EPHA5: variants seen among roughly 807,000 people sequenced by gnomAD.
EPHA5 encodes EPH receptor A5.
EPHA5 carries 60 observed loss-of-function variants against 105.0 expected under a neutral mutation model. The observed-to-expected ratio is 0.57, with a 90% confidence interval of 0.46 to 0.71. The LOEUF is 0.71. Ranked by LOEUF, EPHA5 falls within the 30% of genes least tolerant of loss-of-function variation. The pLI is 0.00. For synonymous variants in EPHA5, 513 were observed against 449.1 expected, an observed-to-expected ratio of 1.14 and a Z score of -1.80; for missense variants, 1,218 against 1,274.7, an observed-to-expected ratio of 0.96 and a Z score of 0.68.
intron 3 of EPHA5, among the ~76,000 whole-genome samples, chr4:65,567,659 T>A (rs1739693008): frequency 6.6e-6 from 1 of 151,578 alleles, no homozygotes; most frequent in South Asian, 2.1e-4. Context: ...AGTGCATATA[T>A]CTAAAAGCAT....
chr4:65,442,050 T>C (rs566833962), intron 5 of EPHA5, among the ~76,000 whole-genome samples: 2 of 152,246 alleles, frequency 1.3e-5, no homozygotes, highest in South Asian at 4.1e-4. Context: ...AAACAGGCTA[T>C]GTATAATTTT....
intron 16 of EPHA5, among the ~76,000 whole-genome samples, chr4:65,328,087 ATAAG>A: frequency 6.6e-6 from 1 of 151,340 alleles, no homozygotes; most frequent in South Asian, 2.1e-4. Context: ...TGTTCCCATT[ATAAG>A]TATGACACAA....
At chr4:65,522,768 G>A in intron 3 of EPHA5, among the ~76,000 whole-genome samples, 1 of 151,948 alleles carries the variant, frequency 6.6e-6, no homozygotes, top group Non-Finnish European at 1.5e-5. Context: ...ATTCATTTGT[G>A]ATCTGTCCTT....
intron 15 of EPHA5, among the ~76,000 whole-genome samples, chr4:65,332,442 A>T (rs1267384802): frequency 6.6e-6 from 1 of 151,812 alleles, no homozygotes; most frequent in East Asian, 1.9e-4. Flanking sequence ...AATTTTTAGG[A>T]CAATAAAACC....
intron 11 of EPHA5, among the ~76,000 whole-genome samples, chr4:65,353,411 G>A (rs1723015879): frequency 6.7e-6 from 1 of 149,700 alleles, no homozygotes; most frequent in Admixed American, 6.7e-5. Context: ...TAAGAAAGAA[G>A]ATAATTCCTG....
chr4:65,578,285 G>A (rs373949959), intron 3 of EPHA5, among the ~76,000 whole-genome samples: 2 of 152,064 alleles, frequency 1.3e-5, no homozygotes, highest in Non-Finnish European at 1.5e-5. Context: ...AGTAGGCTTT[G>A]CTAATTCCAA....
chr4:65,641,921 A>G (rs1228959962), intron 2 of EPHA5, among the ~76,000 whole-genome samples: 1 of 152,116 alleles, frequency 6.6e-6, no homozygotes, highest in African/African-American at 2.4e-5. Context: ...TGTTTTTATA[A>G]AGCAATTAAT....
At chr4:65,551,182 G>T (rs1578402541) in intron 3 of EPHA5, among the ~76,000 whole-genome samples, 1 of 62,062 alleles carries the variant, frequency 1.6e-5, no homozygotes, top group Middle Eastern at 9.4e-3. Flanking sequence ...AGTAGGTTTG[G>T]ATAAATAAAT....
intron 5 of EPHA5, among the ~76,000 whole-genome samples, chr4:65,430,864 G>A (rs1053582031): frequency 1.6e-4 from 24 of 152,114 alleles, no homozygotes; most frequent in Non-Finnish European, 3.2e-4. Flanking sequence ...TTTTTGCTCA[G>A]TTTCCTTACT....
chr4:65,499,225 C>A (rs1732248904), intron 3 of EPHA5, among the ~76,000 whole-genome samples: 1 of 151,596 alleles, frequency 6.6e-6, no homozygotes, highest in Admixed American at 6.6e-5. Flanking sequence ...TCTTCTCTAC[C>A]TTTATTTCTA....
chr4:65,564,769 G>T (rs1739359844), intron 3 of EPHA5, among the ~76,000 whole-genome samples: 1 of 151,642 alleles, frequency 6.6e-6, no homozygotes, highest in South Asian at 2.1e-4. Context: ...CAATGTATTT[G>T]TATTTAGGGT....
chr4:65,377,176 A>G, intron 8 of EPHA5: 2 of 933,664 alleles, frequency 2.1e-6, no homozygotes, highest in East Asian at 2.9e-5. Flanking sequence ...AAAATCAAAA[A>G]CCTCTAAATG....
intron 5 of EPHA5, among the ~76,000 whole-genome samples, chr4:65,475,617 C>T (rs995180602): frequency 6.6e-6 from 1 of 152,080 alleles, no homozygotes; most frequent in Non-Finnish European, 1.5e-5. Flanking sequence ...ATAATCTATG[C>T]ATATCAATTT....
At chr4:65,535,869 T>C (rs1378950113) in intron 3 of EPHA5, among the ~76,000 whole-genome samples, 4 of 152,004 alleles carry the variant, frequency 2.6e-5, no homozygotes, top group Admixed American at 6.6e-5. Context: ...TAGAAATAAG[T>C]CTAATTAATA....
intron 5 of EPHA5, among the ~76,000 whole-genome samples, chr4:65,455,875 A>G (rs1727533886): frequency 1.3e-5 from 2 of 152,214 alleles, no homozygotes; most frequent in South Asian, 4.1e-4. Context: ...AGTTATTAAC[A>G]TTGTTAAAAC....
intron 3 of EPHA5, among the ~76,000 whole-genome samples, chr4:65,510,997 C>T (rs532598940): frequency 1.3e-5 from 2 of 152,158 alleles, no homozygotes; most frequent in Admixed American, 1.3e-4. Context: ...CTCTCTCTCT[C>T]TGTCTCTCCA....
chr4:65,537,390 T>C (rs1736390301), intron 3 of EPHA5, among the ~76,000 whole-genome samples: 1 of 151,788 alleles, frequency 6.6e-6, no homozygotes, highest in Admixed American at 6.6e-5. Flanking sequence ...AAAATTAAAC[T>C]ATATCTTGCT....
chr4:65,520,099 A>G (rs905534269), intron 3 of EPHA5, among the ~76,000 whole-genome samples: 3 of 152,048 alleles, frequency 2.0e-5, no homozygotes, highest in Non-Finnish European at 2.9e-5. Flanking sequence ...AACAAAGCTG[A>G]AGGTATCACA....
chr4:65,565,546 A>T (rs1423172925), intron 3 of EPHA5, among the ~76,000 whole-genome samples: 1 of 151,706 alleles, frequency 6.6e-6, no homozygotes, highest in Non-Finnish European at 1.5e-5. Context: ...ATTTTTGGTA[A>T]TAAAATATAT....
Sources: gnomAD v4.1 joint callset for allele counts (sites outside exome capture counted in the v4.1 genomes callset) on GRCh38, gnomAD v4.1.1 for gene constraint, MANE v1.5 for transcripts, NCBI Gene and HGNC (gene_info 2026-07-23, HGNC 2026-07-21) for gene names.